Variants in LRP1B observed in about 807,000 individuals in gnomAD.
The protein encoded by LRP1B is low-density lipoprotein receptor-related protein 1B.
A neutral mutation model predicts 556.6 loss-of-function variants in LRP1B; 217 were observed. That is an observed-to-expected ratio of 0.39 (90% CI 0.35 to 0.44). The LOEUF is 0.44. Ranked by LOEUF, LRP1B falls within the 20% of genes least tolerant of loss-of-function variation. LRP1B has a pLI of 1.00. For synonymous variants in LRP1B, 2,047 were observed against 1,865.8 expected (o/e 1.10, Z -2.50); for missense variants, 5,053 against 5,620.8 (o/e 0.90, Z 3.23).
chr2:141,296,780 G>T (rs1461177076), intron 3 of LRP1B, among the ~76,000 whole-genome samples: 2 of 152,100 alleles, frequency 1.3e-5, no homozygotes, highest in Non-Finnish European at 2.9e-5. Flanking sequence ...TATATCGCAT[G>T]ATGCTGAGGT....
intron 1 of LRP1B, among the ~76,000 whole-genome samples, chr2:142,039,813 T>C (rs1469670032): frequency 1.3e-5 from 2 of 151,586 alleles, no homozygotes; most frequent in African/African-American, 4.8e-5. Flanking sequence ...TGTCAAAACA[T>C]ATTTTGTATT....
chr2:141,807,698 C>T (rs983205185), intron 2 of LRP1B, among the ~76,000 whole-genome samples: 1 of 152,066 alleles, frequency 6.6e-6, no homozygotes, highest in Admixed American at 6.6e-5. Flanking sequence ...CTGCTAAAAG[C>T]CCCTAAACTC....
At chr2:140,909,316 T>A (rs1431880299) in intron 21 of LRP1B, among the ~76,000 whole-genome samples, 1 of 152,144 alleles carries the variant, frequency 6.6e-6, no homozygotes, top group Non-Finnish European at 1.5e-5. Context: ...AATATTACAT[T>A]GTATATATCC....
chr2:141,700,011 T>C (rs2105460436), intron 2 of LRP1B, among the ~76,000 whole-genome samples: 1 of 151,434 alleles, frequency 6.6e-6, no homozygotes, highest in African/African-American at 2.4e-5. Flanking sequence ...GAAACTCATA[T>C]GTAAATATGA....
At chr2:140,321,168 T>A (rs1680099041) in intron 82 of LRP1B, among the ~76,000 whole-genome samples, 1 of 152,012 alleles carries the variant, frequency 6.6e-6, no homozygotes, top group South Asian at 2.1e-4. Context: ...AGGTAACTTA[T>A]TTATTGTCAG....
chr2:141,299,109 A>C (rs1686296237), intron 3 of LRP1B, among the ~76,000 whole-genome samples: 2 of 152,174 alleles, frequency 1.3e-5, no homozygotes, highest in Non-Finnish European at 1.5e-5. Context: ...TCAGAAGTGA[A>C]GATGGTCTTA....
chr2:141,945,933 TTTA>T (rs1700942430), intron 1 of LRP1B, among the ~76,000 whole-genome samples: 1 of 151,060 alleles, frequency 6.6e-6, no homozygotes, highest in Non-Finnish European at 1.5e-5. Context: ...ACCAGCAGGA[TTTA>T]TTTATTTATT....
intron 6 of LRP1B, among the ~76,000 whole-genome samples, chr2:141,216,275 C>T (rs1558938938): frequency 1.3e-5 from 2 of 152,224 alleles, no homozygotes; most frequent in Admixed American, 6.5e-5. Context: ...AAGTCATAAA[C>T]CTTGGCAGCT....
chr2:141,810,163 AAGAAGG>A lies in LRP1B; in HGVS notation c.205+110_205+115del. 10 of 373,542 alleles carry A rather than the reference AAGAAGG, an allele frequency of 2.7e-5. No homozygotes were observed. In the African/African-American group the frequency reaches 6.3e-4, roughly 24 times the overall value. The allele number at this position is 373,542 out of a possible 1,614,324, so 23.1% of individuals were successfully genotyped here. On this transcript the variant is annotated intron_variant, in intron 2 of 90. Coordinates refer to ENST00000389484, the MANE Select transcript of LRP1B (RefSeq NM_018557.3). ...AAAGAAAGAAAGAAAGAAAGAAAGA[AAGAAGG>A]AAAGAAAGAAAGAAAGAATCATCTA...
At chr2:141,465,312 A>C (rs530923217) in intron 3 of LRP1B, among the ~76,000 whole-genome samples, 35 of 152,140 alleles carry the variant, frequency 2.3e-4, no homozygotes, top group African/African-American at 8.4e-4. Flanking sequence ...AGGGAGTGTG[A>C]GGGGAGAGAA....
chr2:140,886,426 A>C, intron 23 of LRP1B, 91 bp from the exon 24 acceptor site: 1 of 674,512 alleles, frequency 1.5e-6, no homozygotes, highest in South Asian at 2.6e-5. Flanking sequence ...TAAAAGTATA[A>C]TTTATTACAT....
At chr2:140,747,438 T>C (rs410709) in intron 35 of LRP1B, among the ~76,000 whole-genome samples, 2 of 152,082 alleles carry the variant, frequency 1.3e-5, no homozygotes, top group East Asian at 3.9e-4. Context: ...CATGAGTCCC[T>C]ACAGAGGGTC....
intron 17 of LRP1B, among the ~76,000 whole-genome samples, chr2:140,983,920 C>G (rs984351299): frequency 1.3e-5 from 2 of 151,834 alleles, no homozygotes; most frequent in Admixed American, 1.3e-4. Flanking sequence ...GTTAAAATTA[C>G]AAGTAAAATT....
chr2:140,942,198 C>A (rs1695420592), intron 20 of LRP1B, among the ~76,000 whole-genome samples: 1 of 151,994 alleles, frequency 6.6e-6, no homozygotes, highest in South Asian at 2.1e-4. Context: ...AATTTCGAAG[C>A]TCAATGGCCA....
intron 1 of LRP1B, 140 bp from the exon 2 acceptor site, chr2:141,810,541 A>G (rs1158618019): frequency 1.2e-6 from 1 of 863,440 alleles, no homozygotes; most frequent in Non-Finnish European, 1.8e-6. Context: ...CAGCAAAGAC[A>G]AACCAATTAT....
chr2:141,676,638 T>C (rs892429751), intron 2 of LRP1B, among the ~76,000 whole-genome samples: 5 of 152,160 alleles, frequency 3.3e-5, no homozygotes, highest in Non-Finnish European at 7.3e-5. Flanking sequence ...GTTAGAATTG[T>C]TTAATTTTAG....
intron 35 of LRP1B, among the ~76,000 whole-genome samples, chr2:140,728,613 T>C (rs1347183000): frequency 6.6e-6 from 1 of 152,172 alleles, no homozygotes; most frequent in Non-Finnish European, 1.5e-5. Context: ...TGCCTCAGTT[T>C]AGTAAATCAG....
chr2:140,971,387 C>T (rs767413499), intron 18 of LRP1B, among the ~76,000 whole-genome samples: 13 of 152,276 alleles, frequency 8.5e-5, no homozygotes, highest in Admixed American at 2.6e-4. Flanking sequence ...CCTGTTGACA[C>T]CTTGATTTTG....
chr2:140,772,047 T>A (rs1689330359), intron 33 of LRP1B, among the ~76,000 whole-genome samples: 1 of 152,204 alleles, frequency 6.6e-6, no homozygotes, highest in Non-Finnish European at 1.5e-5. Flanking sequence ...AGATTTCTCA[T>A]CAGGAGATGT....
Sources: allele counts gnomAD v4.1 joint callset (sites outside exome capture counted in the v4.1 genomes callset), GRCh38; gene constraint gnomAD v4.1.1; transcripts MANE v1.5; gene names NCBI Gene and HGNC (gene_info 2026-07-23, HGNC 2026-07-21).